SLC9B1: variants seen among roughly 807,000 people sequenced by gnomAD.
The protein encoded by SLC9B1 is solute carrier family 9 member B1.
A neutral mutation model predicts 51.7 loss-of-function variants in SLC9B1; 32 were observed. That is an observed-to-expected ratio of 0.62 (90% CI 0.47 to 0.83). The LOEUF is 0.83. SLC9B1 is among the 40% of genes least tolerant of loss of function. The pLI, the probability that SLC9B1 is intolerant of heterozygous loss-of-function variation, is 0.00. For missense variants in SLC9B1, 406 were observed against 613.2 expected (o/e 0.66, Z 3.57); for synonymous variants, 145 against 212.7 (o/e 0.68, Z 2.77).
In SLC9B1 at chr4:102,903,666, A is replaced by G. The variant is rs1734891564; in HGVS notation, c.1332+1848T>C. Among the ~76,000 whole-genome samples, 3 of 152,276 alleles carry G rather than the reference A, an allele frequency of 2.0e-5. No homozygotes were observed. The South Asian group carries it at 6.2e-4, about 31-fold the overall frequency. On this transcript the variant is annotated intron_variant, in intron 11 of 11. Coordinates refer to ENST00000296422, the MANE Select transcript of SLC9B1 (RefSeq NM_139173.4). Reference sequence around the variant, plus strand: ...ACAACTAAGAAAAGAGCCACAGGAAATTAAGGTATATTATGCTGCCAAGTT... The same window carrying G: ...ACAACTAAGAAAAGAGCCACAGGAAGTTAAGGTATATTATGCTGCCAAGTT...
At chr4:102,961,275 G>A (rs529033080) in intron 3 of SLC9B1, among the ~76,000 whole-genome samples, 6 of 152,368 alleles carry the variant, frequency 3.9e-5, no homozygotes, top group African/African-American at 1.4e-4. Context: ...TTTTATGAAA[G>A]TAATAGAAGA....
At chr4:102,996,992 C>G (rs1740260905) in intron 1 of SLC9B1, among the ~76,000 whole-genome samples, 1 of 151,328 alleles carries the variant, frequency 6.6e-6, no homozygotes, top group Non-Finnish European at 1.5e-5. Flanking sequence ...CGAAGACTCA[C>G]TATATTGCTC....
At chr4:102,955,518 G>A (rs199903570) in intron 3 of SLC9B1, among the ~76,000 whole-genome samples, 4 of 152,102 alleles carry the variant, frequency 2.6e-5, no homozygotes, top group African/African-American at 7.2e-5. Context: ...AGGGCTGGGG[G>A]CAGGGGTGGA....
chr4:102,932,307 A>T lies in SLC9B1; in HGVS notation c.654-8T>A, dbSNP rs774713228. The T allele has an allele frequency of 8.1e-6, 13 of 1,607,098 alleles. No homozygotes were observed. The Admixed American group carries it at 2.0e-4, about 25-fold the overall frequency. ...ACAGCACCTAGAACAAAACTGAAAG[A>T]AAGAATGAAAATTAATTTAAAAGCA... is the stretch of plus-strand genomic sequence containing the variant. On this transcript the variant is annotated splice_polypyrimidine_tract_variant and splice_region_variant and intron_variant, in intron 6 of 11. Transcript: ENST00000296422.
At chr4:102,973,519 G>A (rs527375683) in intron 3 of SLC9B1, among the ~76,000 whole-genome samples, 7 of 152,004 alleles carry the variant, frequency 4.6e-5, no homozygotes, top group Non-Finnish European at 7.4e-5. Context: ...TTTAACCACC[G>A]TATTAAAAAA....
intron 3 of SLC9B1, among the ~76,000 whole-genome samples, chr4:102,986,307 C>A (rs1396248577): frequency 6.8e-6 from 1 of 146,992 alleles, no homozygotes; most frequent in African/African-American, 2.5e-5. Context: ...CCACTCTATT[C>A]TTGCTTCCAT....
intron 3 of SLC9B1, among the ~76,000 whole-genome samples, chr4:102,954,692 A>AT (rs149330059): frequency 0.011 from 1,680 of 152,176 alleles, 23 homozygotes; most frequent in African/African-American, 0.037. Flanking sequence ...AACATATGCC[A>AT]TTTTTTACCA....
At chr4:103,017,194 AAT>A (rs1270184292) in intron 1 of SLC9B1, among the ~76,000 whole-genome samples, 2 of 152,040 alleles carry the variant, frequency 1.3e-5, no homozygotes, top group African/African-American at 4.8e-5. Flanking sequence ...CTGCCCCCAA[AAT>A]AGAGCTCACA....
At chr4:102,927,754 T>C (rs1736260008) in intron 7 of SLC9B1, among the ~76,000 whole-genome samples, 3 of 152,214 alleles carry the variant, frequency 2.0e-5, no homozygotes, top group Admixed American at 2.0e-4. Context: ...TAAATCATGC[T>C]ACTATAAAGA....
intron 1 of SLC9B1, among the ~76,000 whole-genome samples, chr4:103,001,903 T>G (rs1331961275): frequency 6.6e-6 from 1 of 152,226 alleles, no homozygotes. Context: ...TGACTCACAG[T>G]TCTGCATGGC....
chr4:102,944,106 T>C (rs1737153483), intron 6 of SLC9B1, among the ~76,000 whole-genome samples: 1 of 152,118 alleles, frequency 6.6e-6, no homozygotes, highest in Non-Finnish European at 1.5e-5. Context: ...GAGGCCATTA[T>C]CCTAAGTGAA....
At chr4:102,950,572 C>T (rs1005999017) in intron 3 of SLC9B1, among the ~76,000 whole-genome samples, 1 of 152,110 alleles carries the variant, frequency 6.6e-6, no homozygotes, top group Non-Finnish European at 1.5e-5. Context: ...TAGAATTTGC[C>T]AGGGTAAAAG....
intron 1 of SLC9B1, among the ~76,000 whole-genome samples, chr4:102,993,808 C>A (rs183181034): frequency 6.6e-6 from 1 of 152,202 alleles, no homozygotes; most frequent in Non-Finnish European, 1.5e-5. Flanking sequence ...GTGCACCTGT[C>A]GGCCTAACAC....
At position 102,931,129 on chromosome 4, in the gene SLC9B1, G is replaced by A. The variant is rs1210789402; in HGVS notation, c.829+995C>T. ...TAGTCCCAACTACTTGGGAGGCTGA[G>A]GCAGGAGAATGGCGTGAACCCGGGA... On this transcript the variant is annotated intron_variant, in intron 7 of 11. Transcript: ENST00000296422. 7.2e-5 allele frequency among the ~76,000 whole-genome samples: 11 copies of A among 151,880 alleles called. No homozygotes were observed. The East Asian group carries it at 1.9e-3, about 27-fold the overall frequency.
Position 102,910,595 on chromosome 4 carries a change from TTAGA to T in SLC9B1, c.937-11_937-8del, listed in dbSNP as rs745716050. 1.1e-5 allele frequency: 14 copies of T among 1,328,830 alleles called. No homozygotes were observed. The highest frequency in any genetic ancestry group is 4.6e-5 in the African/African-American group (3 of 65,150). 82.3% of individuals were successfully genotyped at this position (1,328,830 alleles called of 1,614,324 possible). A position where few individuals can be genotyped will look rare whatever the true frequency, so the allele number is the denominator to read the frequency against. ...TCTTCAATGTAAGTTTTTTCTAGAATTAGATAGATATTTAGAAATTAGTTTATAT... is the reference window on the plus strand; with the variant it reads ...TCTTCAATGTAAGTTTTTTCTAGAATTAGATATTTAGAAATTAGTTTATAT... On this transcript the variant is annotated splice_polypyrimidine_tract_variant and splice_region_variant and intron_variant, in intron 8 of 11. Coordinates refer to ENST00000296422, the MANE Select transcript of SLC9B1 (RefSeq NM_139173.4).
intron 7 of SLC9B1, among the ~76,000 whole-genome samples, chr4:102,926,363 A>C (rs1736174758): frequency 6.6e-6 from 1 of 152,400 alleles, no homozygotes; most frequent in Admixed American, 6.5e-5. Flanking sequence ...ATCTCAGCCC[A>C]AAATCTCCTT....
chr4:103,009,611 C>A (rs1232410570), intron 1 of SLC9B1, among the ~76,000 whole-genome samples: 1 of 152,170 alleles, frequency 6.6e-6, no homozygotes, highest in East Asian at 1.9e-4. Flanking sequence ...ATTTTCAATT[C>A]CAGTGTGTTT....
At chr4:102,969,256 G>A (rs1036560620) in intron 3 of SLC9B1, among the ~76,000 whole-genome samples, 2 of 152,156 alleles carry the variant, frequency 1.3e-5, no homozygotes, top group Non-Finnish European at 2.9e-5. Flanking sequence ...ACCTCATATA[G>A]CCGGGTGTCC....
In SLC9B1 at chr4:102,968,404, A is replaced by G. The variant is rs558088469; in HGVS notation, c.212-18977T>C. Among the ~76,000 whole-genome samples the G allele has an allele frequency of 2.4e-3, 364 of 152,396 alleles. 2 individuals carry two copies. Among genetic ancestry groups the G allele is most frequent in the African/African-American group, 8.3e-3 (346 of 41,604 alleles). On this transcript the variant is annotated intron_variant, in intron 3 of 11. Transcript: ENST00000296422. ...TATAAAACTTCTAGGAAAAAAATATAGGAGAAAATATTTATGACCTTGGAC... is the reference window on the plus strand; with the variant it reads ...TATAAAACTTCTAGGAAAAAAATATGGGAGAAAATATTTATGACCTTGGAC...
Sources: gnomAD v4.1 joint callset for allele counts (sites outside exome capture counted in the v4.1 genomes callset) on GRCh38, gnomAD v4.1.1 for gene constraint, MANE v1.5 for transcripts, NCBI Gene and HGNC (gene_info 2026-07-23, HGNC 2026-07-21) for gene names.